The following ASH1L variants were observed in gnomAD, a reference collection of about 807,000 sequenced individuals.
ASH1L encodes ASH1 like histone lysine methyltransferase.
ASH1L carries 23 observed loss-of-function variants against 269.0 expected under a neutral mutation model. The ratio of observed to expected loss-of-function variants is 0.09; its 90% CI spans 0.06 to 0.12. The LOEUF (loss-of-function observed/expected upper bound fraction) is 0.12. Among genes scored for constraint, ASH1L ranks in the 10% least tolerant of loss-of-function variants. ASH1L has a pLI of 1.00. For synonymous variants in ASH1L, 1,187 were observed against 1,253.5 expected (o/e 0.95, Z 1.12); for missense variants, 2,912 against 3,567.8 (o/e 0.82, Z 4.68).
chr1:155,505,804 C>T (rs1484748606), intron 2 of ASH1L, among the ~76,000 whole-genome samples: 1 of 151,992 alleles, frequency 6.6e-6, no homozygotes, highest in Non-Finnish European at 1.5e-5. Flanking sequence ...TTTAAAGGAA[C>T]TATTATTATC....
intron 2 of ASH1L, among the ~76,000 whole-genome samples, chr1:155,491,671 C>T (rs1039526734): frequency 1.3e-4 from 20 of 150,986 alleles, no homozygotes; most frequent in Non-Finnish European, 2.2e-4. Context: ...GGGGTTTTTT[C>T]TCTCTCTCAT....
At chr1:155,541,933 T>G (rs1487864426) in intron 1 of ASH1L, among the ~76,000 whole-genome samples, 1 of 152,054 alleles carries the variant, frequency 6.6e-6, no homozygotes, top group Non-Finnish European at 1.5e-5. Flanking sequence ...AGACATAAAT[T>G]TCCAATTACC....
At chr1:155,351,844 T>C (rs532450640) in intron 17 of ASH1L, among the ~76,000 whole-genome samples, 20 of 151,230 alleles carry the variant, frequency 1.3e-4, no homozygotes, top group Non-Finnish European at 2.8e-4. Flanking sequence ...GAGTGAGACT[T>C]TGTCTCAAAA....
chr1:155,516,819 A>G (rs991678050), intron 2 of ASH1L, among the ~76,000 whole-genome samples: 3 of 152,136 alleles, frequency 2.0e-5, no homozygotes, highest in Non-Finnish European at 2.9e-5. Flanking sequence ...ATTTACAATG[A>G]GCAATCTGAA....
chr1:155,490,614 T>TCA (rs144278501), intron 2 of ASH1L, among the ~76,000 whole-genome samples: 9,905 of 141,834 alleles, frequency 0.07, 366 homozygotes, highest in East Asian at 0.11. Context: ...CCAGACTACG[T>TCA]CACACACACA....
chr1:155,554,311 T>C (rs1284473716), intron 1 of ASH1L, among the ~76,000 whole-genome samples: 5 of 151,594 alleles, frequency 3.3e-5, no homozygotes, highest in African/African-American at 1.2e-4. Context: ...TCACTCTTCT[T>C]GCCCAGGCTG....
chr1:155,526,352 AAT>A (rs1221172467), intron 1 of ASH1L, among the ~76,000 whole-genome samples: 16 of 152,332 alleles, frequency 1.1e-4, no homozygotes, highest in African/African-American at 3.1e-4. Context: ...GTTTTTTCTT[AAT>A]ATGTTTATAT....
At chr1:155,551,550 C>T (rs1671213061) in intron 1 of ASH1L, among the ~76,000 whole-genome samples, 1 of 146,890 alleles carries the variant, frequency 6.8e-6, no homozygotes, top group Non-Finnish European at 1.5e-5. Context: ...GTCCCAGCTA[C>T]TTGGGAGGCT....
chr1:155,347,408 TAAACA>T (rs1388209561), intron 20 of ASH1L, among the ~76,000 whole-genome samples: 2 of 148,438 alleles, frequency 1.3e-5, no homozygotes, highest in Non-Finnish European at 3.0e-5. Context: ...TCCTATCTTA[TAAACA>T]AAACAAAACA....
chr1:155,446,515 T>A (rs1416377470), intron 4 of ASH1L, among the ~76,000 whole-genome samples: 2 of 151,162 alleles, frequency 1.3e-5, no homozygotes, highest in Admixed American at 6.6e-5. Context: ...CCTAGACTGG[T>A]CTGGAACTTC....
intron 12 of ASH1L, among the ~76,000 whole-genome samples, chr1:155,365,892 C>A (rs563184729): frequency 3.3e-4 from 50 of 152,248 alleles, no homozygotes; most frequent in Non-Finnish European, 6.3e-4. Flanking sequence ...AATATCATCA[C>A]CGCTATTCAA....
intron 4 of ASH1L, among the ~76,000 whole-genome samples, chr1:155,439,686 C>T (rs1662388957): frequency 6.6e-6 from 1 of 152,060 alleles, no homozygotes; most frequent in African/African-American, 2.4e-5. Flanking sequence ...GAGACCCTGT[C>T]TCAAAAAATA....
chr1:155,556,572 G>A (rs1671606905), intron 1 of ASH1L, among the ~76,000 whole-genome samples: 1 of 151,946 alleles, frequency 6.6e-6, no homozygotes, highest in Admixed American at 6.6e-5. Flanking sequence ...AGCCTCCCGA[G>A]TAGCTGGGAC....
chr1:155,475,385 C>T (rs1345624676), intron 3 of ASH1L, among the ~76,000 whole-genome samples: 2 of 152,150 alleles, frequency 1.3e-5, no homozygotes, highest in African/African-American at 2.4e-5. Context: ...ATCTGGCCAC[C>T]TCAGCCTCCC....
intron 4 of ASH1L, among the ~76,000 whole-genome samples, chr1:155,458,570 AG>A (rs1293808845): frequency 6.6e-6 from 1 of 152,134 alleles, no homozygotes; most frequent in Non-Finnish European, 1.5e-5. Flanking sequence ...CAAAAATATT[AG>A]CCGGGTATCA....
At chr1:155,452,366 CCACAATTAAAAAAAATTTTTGTTTTTT>C (rs1275133052) in intron 4 of ASH1L, among the ~76,000 whole-genome samples, 1 of 151,732 alleles carries the variant, frequency 6.6e-6, no homozygotes, top group African/African-American at 2.4e-5. Context: ...CTGTATTTTG[CCACAATTAAAAAAAATTTTTGTTTTTT>C]CACAATTAAA....
At chr1:155,411,264 A>G (rs1333060100) in intron 6 of ASH1L, among the ~76,000 whole-genome samples, 1 of 152,158 alleles carries the variant, frequency 6.6e-6, no homozygotes, top group African/African-American at 2.4e-5. Flanking sequence ...AAGAATGCAT[A>G]CATGTACTAA....
chr1:155,530,949 C>A (rs896316150), intron 1 of ASH1L, among the ~76,000 whole-genome samples: 3 of 151,860 alleles, frequency 2.0e-5, no homozygotes, highest in Non-Finnish European at 4.4e-5. Context: ...ACTCCAGAGG[C>A]ACTCCAGCCT....
chr1:155,486,231 C>CACAATACATCTGG (rs1478327876), intron 2 of ASH1L, among the ~76,000 whole-genome samples: 30 of 152,140 alleles, frequency 2.0e-4, no homozygotes, highest in Admixed American at 6.5e-5. Flanking sequence ...ACATGTGGTA[C>CACAATACATCTGG]TTGATTGACT....
Sources: allele counts gnomAD v4.1 joint callset (sites outside exome capture counted in the v4.1 genomes callset), GRCh38; gene constraint gnomAD v4.1.1; transcripts MANE v1.5; gene names NCBI Gene and HGNC (gene_info 2026-07-23, HGNC 2026-07-21).